The following SULT2A1 variants were observed in gnomAD, a reference collection of about 807,000 sequenced individuals.
SULT2A1 encodes the protein sulfotransferase 2A1.
In SULT2A1, 43 loss-of-function variants were observed where a neutral mutation model predicts 33.9. The ratio of observed to expected loss-of-function variants is 1.27; its 90% CI spans 1.00 to 1.64. The LOEUF (loss-of-function observed/expected upper bound fraction) is 1.64, where lower values mean the gene tolerates loss of function less well. Ranked by LOEUF, SULT2A1 falls within the 40% of genes most tolerant of loss-of-function variation. The pLI is 0.00. For synonymous variants in SULT2A1, 125 were observed against 113.6 expected (o/e 1.10, Z -0.64); for missense variants, 300 against 335.1 (o/e 0.90, Z 0.82).
Position 47,882,084 on chromosome 19 carries a change from C to CG in SULT2A1, c.471_472insC (p.Val158ArgfsTer8), listed in dbSNP as rs766349653. The CG allele has an allele frequency of 4.9e-5, 79 of 1,613,344 alleles. No individual in the cohort carries two copies. Among genetic ancestry groups the CG allele is most frequent in the Non-Finnish European group, 6.4e-5 (76 of 1,179,834 alleles). Reference sequence around the variant, plus strand: ...CCCCCATATTTTGTGAAACACTCACCAGTTCCTTGACAAAACCATTCAAAA... The same window carrying CG: ...CCCCCATATTTTGTGAAACACTCACCGAGTTCCTTGACAAAACCATTCAAAA... On this transcript the variant is annotated frameshift_variant and splice_region_variant, in exon 3 of 6. Transcript: ENST00000222002. LOFTEE classifies it high-confidence loss of function.
chr19:47,876,915 A>G (rs1319007650), intron 4 of SULT2A1, among the ~76,000 whole-genome samples: 1 of 151,454 alleles, frequency 6.6e-6, no homozygotes, highest in East Asian at 2.0e-4. Context: ...TCTACTAAAA[A>G]TACAAAAAAA....
chr19:47,874,065 G>A (rs1968518853), intron 5 of SULT2A1, among the ~76,000 whole-genome samples: 1 of 152,102 alleles, frequency 6.6e-6, no homozygotes, highest in Non-Finnish European at 1.5e-5. Context: ...CTCACTGTCT[G>A]TAGAATGGAT....
chr19:47,881,704 G>A (rs780234499), intron 3 of SULT2A1, among the ~76,000 whole-genome samples: 2 of 152,034 alleles, frequency 1.3e-5, no homozygotes, highest in Non-Finnish European at 2.9e-5. Context: ...GATAGAAACA[G>A]AATATTAAGA....
chr19:47,875,034 C>T (rs62531052), intron 4 of SULT2A1, among the ~76,000 whole-genome samples, 200 bp from the exon 5 acceptor site: 2,207 of 151,212 alleles, frequency 0.015, 50 homozygotes, highest in African/African-American at 0.051. Context: ...TGGTGGTGGG[C>T]GCCGGTAATC....
chr19:47,874,194 A>G (rs1968519971), intron 5 of SULT2A1, among the ~76,000 whole-genome samples: 1 of 152,156 alleles, frequency 6.6e-6, no homozygotes. Flanking sequence ...TACCACAAGA[A>G]GAGGCTCCCT....
chr19:47,876,107 C>CTAGG (rs1470097205), intron 4 of SULT2A1, among the ~76,000 whole-genome samples: 2 of 152,158 alleles, frequency 1.3e-5, no homozygotes, highest in African/African-American at 4.8e-5. Context: ...CCTCCGCCTC[C>CTAGG]CAGGCTCAAG....
chr19:47,873,653 T>C lies in SULT2A1; in HGVS notation c.745+1004A>G, dbSNP rs1968514864. ...TTTTTTTTTTTTTTGAGACGGAGTC[T>C]TGCTCTGTCGCCCAGGCTGGAGTGC... On this transcript the variant is annotated intron_variant, in intron 5 of 5. Transcript: ENST00000222002. 1.5e-5 allele frequency among the ~76,000 whole-genome samples: 2 copies of C among 129,132 alleles called. 1 individual carries two copies. Among genetic ancestry groups the C allele is most frequent in the Admixed American group, 1.8e-4 (2 of 11,374 alleles). The allele number at this position is 129,132 out of a possible 152,430, so 84.7% of individuals were successfully genotyped here.
At chr19:47,875,229 G>A (rs538285506) in intron 4 of SULT2A1, among the ~76,000 whole-genome samples, 4 of 151,352 alleles carry the variant, frequency 2.6e-5, no homozygotes, top group Non-Finnish European at 4.4e-5. Context: ...CGCAGAATGA[G>A]GAGGAGGAGG....
At chr19:47,879,744 A>G (rs910205852) in intron 3 of SULT2A1, among the ~76,000 whole-genome samples, 3 of 132,652 alleles carry the variant, frequency 2.3e-5, no homozygotes, top group Admixed American at 9.0e-5. Context: ...ACACTTGGAC[A>G]CAGGGTGGGG....
At chr19:47,874,612 G>A in intron 5 of SULT2A1, 45 bp downstream of exon 5, 3 of 1,534,616 alleles carry the variant, frequency 2.0e-6, no homozygotes, top group Non-Finnish European at 1.8e-6. Flanking sequence ...AGGCATGCAT[G>A]CCGTGTATTC....
chr19:47,872,413 C>T (rs1445613915), intron 5 of SULT2A1, among the ~76,000 whole-genome samples: 1 of 152,104 alleles, frequency 6.6e-6, no homozygotes, highest in African/African-American at 2.4e-5. Flanking sequence ...CCTAAAACTA[C>T]CCTCTCCGTC....
chr19:47,884,146 C>G (rs1229774976), intron 1 of SULT2A1, among the ~76,000 whole-genome samples: 1 of 146,982 alleles, frequency 6.8e-6, no homozygotes, highest in Non-Finnish European at 1.5e-5. Context: ...AGTACCATCT[C>G]AACCTTAATT....
intron 2 of SULT2A1, 112 bp from the exon 3 acceptor site, chr19:47,882,322 A>G (rs1968611940): frequency 1.5e-6 from 2 of 1,340,742 alleles, no homozygotes; most frequent in South Asian, 1.4e-5. Context: ...AATAATATCA[A>G]TGGATTCTTT....
chr19:47,885,077 C>T (rs1479533747), intron 1 of SULT2A1, among the ~76,000 whole-genome samples: 2 of 152,178 alleles, frequency 1.3e-5, no homozygotes, highest in Non-Finnish European at 2.9e-5. Context: ...TCCCAAAGTG[C>T]TGGGATTACA....
intron 4 of SULT2A1, among the ~76,000 whole-genome samples, chr19:47,875,037 C>T (rs922303035): frequency 4.0e-5 from 6 of 150,964 alleles, no homozygotes; most frequent in Non-Finnish European, 5.9e-5. Flanking sequence ...TGGTGGGCGC[C>T]GGTAATCCCA....
In SULT2A1 at chr19:47,883,600, A is replaced by C; in HGVS notation, c.322T>G (p.Ser108Ala). Residue 108 changes from serine (S) to alanine (A), a missense_variant, in exon 2 of 6, where the codon TCT becomes GCT. Physicochemically the swap from Ser to Ala is moderately conservative, Grantham distance 99 (BLOSUM62 1). Coordinates refer to ENST00000222002, the MANE Select transcript of SULT2A1 (RefSeq NM_003167.4). Reference protein sequence around the residue: ...SHLPIQLFPKSFFSSKAKVIY... With the variant: ...SHLPIQLFPKAFFSSKAKVIY... ...ACCTTGGCCTTGGAACTGAAGAAAGACTTGGGGAATAACTGGATGGGGAGG... is the reference window on the plus strand; with the variant it reads ...ACCTTGGCCTTGGAACTGAAGAAAGCCTTGGGGAATAACTGGATGGGGAGG... The C allele has an allele frequency of 5.6e-6, 9 of 1,614,032 alleles. No individual in the cohort carries two copies. The highest frequency in any genetic ancestry group is 7.6e-6 in the Non-Finnish European group (9 of 1,180,000).
chr19:47,878,971 G>A (rs1968575398), intron 4 of SULT2A1, 65 bp downstream of exon 4: 2 of 1,025,708 alleles, frequency 1.9e-6, no homozygotes, highest in Non-Finnish European at 3.1e-6. Context: ...GGGATGGAGG[G>A]AATTTAAGGA....
rs1375934852 is a variant in SULT2A1 at position 47,870,758 on chromosome 19, C to G, written c.*697G>C. ...AGCATTCTGTAAACGGGAAACATTG[C>G]AAACATTTAAAAAAGTCTGGGATCC... On this transcript the variant is annotated 3_prime_UTR_variant, in exon 6 of 6. Coordinates refer to ENST00000222002, the MANE Select transcript of SULT2A1 (RefSeq NM_003167.4). 6.8e-6 allele frequency: 1 copy of G among 147,508 alleles called. No individual in the cohort carries two copies. The highest frequency in any genetic ancestry group is 1.9e-4 in the East Asian group (1 of 5,188). 9.1% of individuals were successfully genotyped at this position (147,508 alleles called of 1,614,324 possible).
At chr19:47,871,926 T>A (rs1184200699) in intron 5 of SULT2A1, among the ~76,000 whole-genome samples, 2 of 152,098 alleles carry the variant, frequency 1.3e-5, no homozygotes, top group Non-Finnish European at 2.9e-5. Flanking sequence ...TTTTTCTTTT[T>A]TTTTTTGTAG....
Sources: gnomAD v4.1 joint callset for allele counts (sites outside exome capture counted in the v4.1 genomes callset) on GRCh38, gnomAD v4.1.1 for gene constraint, MANE v1.5 for transcripts, NCBI Gene and HGNC (gene_info 2026-07-23, HGNC 2026-07-21) for gene names.